RORB: variants seen among roughly 807,000 people sequenced by gnomAD.
The protein encoded by RORB is RAR related orphan receptor B.
Under a neutral mutation model 59.1 loss-of-function variants are expected in RORB, and 6 were observed. That is an observed-to-expected ratio of 0.10 (90% confidence interval 0.06 to 0.20). The LOEUF is 0.20. RORB is among the 10% of genes least tolerant of loss of function. The pLI, the probability that RORB is intolerant of heterozygous loss-of-function variation, is 1.00. For synonymous variants in RORB, 215 were observed against 204.5 expected, an observed-to-expected ratio of 1.05 and a Z score of -0.44; for missense variants, 320 against 560.5, an observed-to-expected ratio of 0.57 and a Z score of 4.33.
chr9:74,601,476 C>T (rs1334633298), intron 1 of RORB, among the ~76,000 whole-genome samples: 3 of 151,826 alleles, frequency 2.0e-5, no homozygotes, highest in Non-Finnish European at 4.4e-5. Flanking sequence ...ATCAGTTTTA[C>T]CAGTTTCTTG....
In RORB at chr9:74,497,797, C is replaced by A; in HGVS notation, c.-180C>A. On this transcript the variant is annotated 5_prime_UTR_variant, in exon 1 of 10. Coordinates refer to ENST00000376896, the MANE Select transcript of RORB (RefSeq NM_006914.4). Reference sequence around the variant, plus strand: ...ACCAACATCAAAACTGTTAACATAGCGGCGGCGGCGGCAAACGTCACCCTG... The same window carrying A: ...ACCAACATCAAAACTGTTAACATAGAGGCGGCGGCGGCAAACGTCACCCTG... 8 of 607,432 alleles carry A rather than the reference C, an allele frequency of 1.3e-5. No homozygotes were observed. The highest frequency in any genetic ancestry group is 2.6e-4 in the Middle Eastern group (1 of 3,854). 37.6% of individuals were successfully genotyped at this position (607,432 alleles called of 1,614,324 possible).
chr9:74,507,079 T>G (rs7873018), intron 1 of RORB, among the ~76,000 whole-genome samples: 45,248 of 151,898 alleles, frequency 0.3, 7,087 homozygotes, highest in Admixed American at 0.39. Context: ...ACCCACGCCT[T>G]ATTGCAATTT....
intron 9 of RORB, among the ~76,000 whole-genome samples, chr9:74,677,288 T>C (rs1322908672): frequency 6.6e-6 from 1 of 152,198 alleles, no homozygotes; most frequent in African/African-American, 2.4e-5. Context: ...TCTGACCTAC[T>C]ATACCGTGGC....
Position 74,630,386 on chromosome 9 carries a change from G to T in RORB, c.93+19G>T. On this transcript the variant is annotated intron_variant, in intron 2 of 9. Coordinates refer to ENST00000376896, the MANE Select transcript of RORB (RefSeq NM_006914.4). Reference sequence around the variant, plus strand: ...CTGCAAGGTATGGGACTTTCATACAGCACGGTTCTGTATTTGCCTCAGGCA... The same window carrying T: ...CTGCAAGGTATGGGACTTTCATACATCACGGTTCTGTATTTGCCTCAGGCA... The T allele has an allele frequency of 6.3e-7, 1 of 1,595,672 alleles. No homozygotes were observed. The highest frequency in any genetic ancestry group is 8.6e-7 in the Non-Finnish European group (1 of 1,167,092).
At chr9:74,653,543 A>T (rs1190904499) in intron 4 of RORB, among the ~76,000 whole-genome samples, 1 of 152,078 alleles carries the variant, frequency 6.6e-6, no homozygotes, top group Non-Finnish European at 1.5e-5. Context: ...AGGAGGAAAA[A>T]AAGAGGGAGG....
At chr9:74,664,694 T>C (rs761899129) in intron 6 of RORB, among the ~76,000 whole-genome samples, 3 of 152,154 alleles carry the variant, frequency 2.0e-5, no homozygotes, top group Non-Finnish European at 4.4e-5. Context: ...TCAGCAAACA[T>C]ATGTACAGCA....
chr9:74,686,642 T>A lies in RORB; in HGVS notation c.*1024T>A, dbSNP rs527568183. On this transcript the variant is annotated 3_prime_UTR_variant, in exon 10 of 10. Transcript: ENST00000376896. ...TGTGGATTATGACTACCAGCAATTTTTTTCTAGGAAAGTTAAAAGAATAAA... is the reference window on the plus strand; with the variant it reads ...TGTGGATTATGACTACCAGCAATTTATTTCTAGGAAAGTTAAAAGAATAAA... 6.6e-6 allele frequency: 1 copy of A among 152,480 alleles called. No individual in the cohort carries two copies. Among genetic ancestry groups the A allele is most frequent in the South Asian group, 2.1e-4 (1 of 4,826 alleles). The allele number at this position is 152,480 out of a possible 1,614,324, so 9.4% of individuals were successfully genotyped here.
rs1002836021 is a variant in RORB at position 74,498,820 on chromosome 9, CGGT to C, written c.7+840_7+842del. ...GGGCCAGGACCCTCGCAGTCGCAGG[CGGT>C]GGCGGCGGCGGCGGCGGGACCCCGG... On this transcript the variant is annotated intron_variant, in intron 1 of 9. Transcript: ENST00000376896. The C allele has an allele frequency of 9.6e-4, 156 of 162,740 alleles. 1 individual carries two copies. Among genetic ancestry groups the C allele is most frequent in the Middle Eastern group, 2.9e-3 (1 of 340 alleles). The allele number at this position is 162,740 out of a possible 1,614,324, so 10.1% of individuals were successfully genotyped here. A position where few individuals can be genotyped will look rare whatever the true frequency, so the allele number is the denominator to read the frequency against.
chr9:74,646,518 T>C (rs909831872), intron 4 of RORB, among the ~76,000 whole-genome samples: 1 of 152,188 alleles, frequency 6.6e-6, no homozygotes, highest in African/African-American at 2.4e-5. Flanking sequence ...ATGTTTGATA[T>C]ATGGAGAAAA....
intron 3 of RORB, among the ~76,000 whole-genome samples, chr9:74,635,372 C>T (rs555659526): frequency 6.6e-6 from 1 of 152,284 alleles, no homozygotes; most frequent in South Asian, 2.1e-4. Context: ...ATACCTTCTA[C>T]ACTCCACCTT....
In RORB at chr9:74,656,424, C is replaced by T. The variant is rs186305166; in HGVS notation, c.638-4193C>T. On this transcript the variant is annotated intron_variant, in intron 4 of 9. Coordinates refer to ENST00000376896, the MANE Select transcript of RORB (RefSeq NM_006914.4). Reference sequence around the variant, plus strand: ...TAATGCCATCTCATCTTTGCCATGACTAAAGTCACCTTTCTAAAACAAAAA... The same window carrying T: ...TAATGCCATCTCATCTTTGCCATGATTAAAGTCACCTTTCTAAAACAAAAA... 2.6e-5 allele frequency among the ~76,000 whole-genome samples: 4 copies of T among 152,278 alleles called. No individual in the cohort carries two copies. In the East Asian group the frequency reaches 7.7e-4, roughly 29 times the overall value.
intron 1 of RORB, among the ~76,000 whole-genome samples, chr9:74,623,523 C>G (rs1323255559): frequency 6.6e-6 from 1 of 151,588 alleles, no homozygotes; most frequent in Non-Finnish European, 1.5e-5. Context: ...AAGGCAAAAG[C>G]AGAGACCACT....
intron 1 of RORB, among the ~76,000 whole-genome samples, chr9:74,554,609 T>C (rs1456065902): frequency 6.6e-6 from 1 of 152,094 alleles, no homozygotes; most frequent in Non-Finnish European, 1.5e-5. Context: ...TCACTATCTA[T>C]CTTCACAAGC....
intron 1 of RORB, among the ~76,000 whole-genome samples, chr9:74,553,618 C>A (rs755467845): frequency 1.3e-5 from 2 of 152,158 alleles, no homozygotes; most frequent in Non-Finnish European, 2.9e-5. Flanking sequence ...AGCACAAGTT[C>A]TATAAGCATG....
At chr9:74,651,619 G>A (rs972952829) in intron 4 of RORB, among the ~76,000 whole-genome samples, 27 of 151,870 alleles carry the variant, frequency 1.8e-4, no homozygotes, top group African/African-American at 5.3e-4. Flanking sequence ...AGAAAACATC[G>A]CTGATGCCAA....
At chr9:74,591,196 C>A (rs775618640) in intron 1 of RORB, among the ~76,000 whole-genome samples, 6 of 152,196 alleles carry the variant, frequency 3.9e-5, no homozygotes, top group Non-Finnish European at 7.4e-5. Context: ...ACTAAAATTT[C>A]TAGTTGAGTT....
chr9:74,638,510 T>C (rs1218730753), intron 3 of RORB, among the ~76,000 whole-genome samples: 2 of 152,098 alleles, frequency 1.3e-5, no homozygotes, highest in South Asian at 2.1e-4. Flanking sequence ...AACAAAAGGC[T>C]GTCTTTATAC....
At chr9:74,660,041 T>C (rs1352952180) in intron 4 of RORB, among the ~76,000 whole-genome samples, 2 of 152,142 alleles carry the variant, frequency 1.3e-5, no homozygotes, top group Non-Finnish European at 2.9e-5. Flanking sequence ...ATGTAAGATA[T>C]TTACATTGCC....
At chr9:74,645,303 G>A (rs989414407) in intron 4 of RORB, among the ~76,000 whole-genome samples, 2 of 152,058 alleles carry the variant, frequency 1.3e-5, no homozygotes, top group African/African-American at 4.8e-5. Context: ...TTCCTGCACC[G>A]TCCAAAACAT....
Sources: gnomAD v4.1 joint callset for allele counts (sites outside exome capture counted in the v4.1 genomes callset) on GRCh38, gnomAD v4.1.1 for gene constraint, MANE v1.5 for transcripts, NCBI Gene and HGNC (gene_info 2026-07-23, HGNC 2026-07-21) for gene names.